Variants in TENM3 observed in about 807,000 individuals in gnomAD.
The protein encoded by TENM3 is teneurin transmembrane protein 3.
In TENM3, 63 loss-of-function variants were observed where a neutral mutation model predicts 255.1. That is an observed-to-expected ratio of 0.25 (90% CI 0.20 to 0.30). TENM3 has a LOEUF of 0.30. Among genes scored for constraint, TENM3 ranks in the 10% least tolerant of loss-of-function variants. The pLI, the probability that TENM3 is intolerant of heterozygous loss-of-function variation, is 1.00. For missense variants in TENM3, 2,929 were observed against 3,461.1 expected (o/e 0.85, Z 3.86); for synonymous variants, 1,306 against 1,322.3 (o/e 0.99, Z 0.27).
chr4:182,727,924 G>A (rs1419182774), intron 13 of TENM3, among the ~76,000 whole-genome samples: 2 of 148,912 alleles, frequency 1.3e-5, no homozygotes, highest in Non-Finnish European at 3.0e-5. Context: ...GCAGTGGTAC[G>A]ATCTCAGCTC....
chr4:182,123,968 A>C, the TENM3 span, among the ~76,000 whole-genome samples: 1 of 152,186 alleles, frequency 6.6e-6, no homozygotes, highest in Non-Finnish European at 1.5e-5. Flanking sequence ...ATTGACTGAG[A>C]TGGGAAAGAC....
chr4:182,608,780 G>A (rs1351705557), intron 4 of TENM3, among the ~76,000 whole-genome samples: 2 of 152,130 alleles, frequency 1.3e-5, no homozygotes, highest in African/African-American at 4.8e-5. Context: ...CCCAAGCCAG[G>A]CCACAGGCGG....
intron 1 of TENM3, among the ~76,000 whole-genome samples, chr4:182,262,868 C>G (rs1234889345): frequency 6.6e-6 from 1 of 151,962 alleles, no homozygotes; most frequent in Non-Finnish European, 1.5e-5. Context: ...CACCCACCAC[C>G]ACGCCCGGCT....
chr4:182,680,423 G>T, intron 9 of TENM3, 74 bp downstream of exon 9: 1 of 1,001,478 alleles, frequency 1.0e-6, no homozygotes. Context: ...AAAAACTACC[G>T]AGACAGGAAA....
At chr4:182,431,406 A>T (rs946022925) in intron 3 of TENM3, among the ~76,000 whole-genome samples, 1 of 152,084 alleles carries the variant, frequency 6.6e-6, no homozygotes, top group African/African-American at 2.4e-5. Context: ...AGGCAGAAGA[A>T]TAGCTTGAAC....
At chr4:182,762,909 A>T (rs1017947763) in intron 22 of TENM3, among the ~76,000 whole-genome samples, 1 of 144,900 alleles carries the variant, frequency 6.9e-6, no homozygotes, top group African/African-American at 2.4e-5. Flanking sequence ...TCTCGTAAAC[A>T]CACGTACTGA....
At chr4:181,838,824 G>GA in the TENM3 span, among the ~76,000 whole-genome samples, 1 of 151,752 alleles carries the variant, frequency 6.6e-6, no homozygotes, top group Non-Finnish European at 1.5e-5. Flanking sequence ...GCTTTTCAGT[G>GA]AAAAAATTGT....
At chr4:181,448,877 T>C in the TENM3 span, among the ~76,000 whole-genome samples, 20,006 of 152,204 alleles carry the variant, frequency 0.13, 1,494 homozygotes, top group East Asian at 0.27. Context: ...ACTTATAATT[T>C]TATTAGACAC....
chr4:181,924,061 T>C, the TENM3 span, among the ~76,000 whole-genome samples: 1 of 152,194 alleles, frequency 6.6e-6, no homozygotes, highest in Non-Finnish European at 1.5e-5. Context: ...TGCTGTTTTC[T>C]GGGGCTATTT....
chr4:182,369,741 C>T (rs975336212), intron 3 of TENM3, among the ~76,000 whole-genome samples: 7 of 151,858 alleles, frequency 4.6e-5, no homozygotes, highest in East Asian at 1.9e-4. Context: ...ATTAGCTGGG[C>T]GTGGTGGCAG....
the TENM3 span, among the ~76,000 whole-genome samples, chr4:182,044,425 A>G: frequency 2.6e-5 from 4 of 152,240 alleles, no homozygotes; most frequent in Non-Finnish European, 5.9e-5. Flanking sequence ...TACACTTTAT[A>G]TGTCCTAAGG....
the TENM3 span, among the ~76,000 whole-genome samples, chr4:181,873,945 C>T: frequency 6.6e-6 from 1 of 152,068 alleles, no homozygotes; most frequent in Admixed American, 6.6e-5. Context: ...CCACCACGCC[C>T]AGCTAATTTT....
At chr4:182,473,952 T>C (rs1409294910) in intron 3 of TENM3, among the ~76,000 whole-genome samples, 2 of 152,166 alleles carry the variant, frequency 1.3e-5, no homozygotes, top group Non-Finnish European at 2.9e-5. Flanking sequence ...AGTGAGACCC[T>C]GTCTCCAAAA....
chr4:182,483,317 G>T (rs1054748101), intron 3 of TENM3, among the ~76,000 whole-genome samples: 1 of 152,142 alleles, frequency 6.6e-6, no homozygotes, highest in Non-Finnish European at 1.5e-5. Context: ...TTATGTAACA[G>T]TACCATTTTC....
At chr4:182,687,063 G>T (rs1331668563) in intron 11 of TENM3, among the ~76,000 whole-genome samples, 2 of 152,108 alleles carry the variant, frequency 1.3e-5, no homozygotes, top group African/African-American at 4.8e-5. Flanking sequence ...TCACGTGTCT[G>T]AGAAATGTTA....
intron 3 of TENM3, among the ~76,000 whole-genome samples, chr4:182,448,109 T>C (rs2151295843): frequency 6.6e-6 from 1 of 152,312 alleles, no homozygotes; most frequent in Admixed American, 6.5e-5. Flanking sequence ...CACACATGCC[T>C]TCAGCCCCTG....
At chr4:182,196,182 T>C (rs1753824332) in intron 1 of TENM3, among the ~76,000 whole-genome samples, 1 of 152,118 alleles carries the variant, frequency 6.6e-6, no homozygotes, top group Admixed American at 6.5e-5. Flanking sequence ...TGAATGTACC[T>C]GGGCTGTGGT....
intron 19 of TENM3, among the ~76,000 whole-genome samples, chr4:182,747,219 T>G (rs1283933295): frequency 6.6e-6 from 1 of 152,222 alleles, no homozygotes; most frequent in Admixed American, 6.5e-5. Context: ...CTTTTTATCC[T>G]CTTCTATATT....
At chr4:182,124,124 G>T in the TENM3 span, among the ~76,000 whole-genome samples, 1 of 152,002 alleles carries the variant, frequency 6.6e-6, no homozygotes. Context: ...TGATCTCGGT[G>T]CACTGCAACC....
Sources: gnomAD v4.1 joint callset for allele counts (sites outside exome capture counted in the v4.1 genomes callset) on GRCh38, gnomAD v4.1.1 for gene constraint, MANE v1.5 for transcripts, NCBI Gene and HGNC (gene_info 2026-07-23, HGNC 2026-07-21) for gene names.